The following CPNE4 variants were observed in gnomAD, a reference collection of about 807,000 sequenced individuals.
The protein encoded by CPNE4 is copine-4.
CPNE4 carries 25 observed loss-of-function variants against 67.9 expected under a neutral mutation model. That is an observed-to-expected ratio of 0.37 (90% CI 0.27 to 0.51). The LOEUF is 0.51. Among genes scored for constraint, CPNE4 ranks in the 20% least tolerant of loss-of-function variants. The pLI, the probability that CPNE4 is intolerant of heterozygous loss-of-function variation, is 0.93. For missense variants in CPNE4, 464 were observed against 690.8 expected (o/e 0.67, Z 3.68); for synonymous variants, 242 against 244.9 (o/e 0.99, Z 0.11).
chr3:131,614,701 G>A (rs1351124479), intron 7 of CPNE4, among the ~76,000 whole-genome samples: 1 of 152,180 alleles, frequency 6.6e-6, no homozygotes, highest in African/African-American at 2.4e-5. Flanking sequence ...GCCTGCTGAA[G>A]CAGAAGGGAA....
At chr3:131,702,733 T>C (rs2081332174) in intron 3 of CPNE4, among the ~76,000 whole-genome samples, 2 of 152,274 alleles carry the variant, frequency 1.3e-5, no homozygotes, top group Middle Eastern at 3.4e-3. Context: ...AGGAGACTAA[T>C]CCCAAGAGAA....
chr3:131,957,495 G>T (rs1369695155), intron 1 of CPNE4, among the ~76,000 whole-genome samples: 2 of 152,216 alleles, frequency 1.3e-5, no homozygotes, highest in Non-Finnish European at 2.9e-5. Context: ...TTGACCAGGG[G>T]AGTGTACAGA....
intron 15 of CPNE4, chr3:131,539,065 A>G (rs1354337869): frequency 1.3e-5 from 2 of 152,222 alleles, no homozygotes; most frequent in Non-Finnish European, 2.9e-5. Context: ...TTCATGAGTT[A>G]ATGGCTTACA....
At chr3:131,668,514 C>A (rs533959962) in intron 7 of CPNE4, among the ~76,000 whole-genome samples, 6 of 152,062 alleles carry the variant, frequency 3.9e-5, no homozygotes, top group Non-Finnish European at 8.8e-5. Context: ...TGATTTCAGG[C>A]AATAACAGCA....
At chr3:131,906,396 C>CT in intron 1 of CPNE4, among the ~76,000 whole-genome samples, 1 of 113,908 alleles carries the variant, frequency 8.8e-6, no homozygotes. Flanking sequence ...AATGCTATCC[C>CT]TCCCCCCCTC....
At chr3:131,927,915 A>G (rs1318377966) in intron 1 of CPNE4, among the ~76,000 whole-genome samples, 1 of 152,168 alleles carries the variant, frequency 6.6e-6, no homozygotes, top group African/African-American at 2.4e-5. Flanking sequence ...TATTTGCATT[A>G]TTGATGTCAT....
chr3:131,928,856 G>A (rs1487484787), intron 1 of CPNE4, among the ~76,000 whole-genome samples: 2 of 152,174 alleles, frequency 1.3e-5, no homozygotes, highest in Non-Finnish European at 2.9e-5. Flanking sequence ...AAAATGGAAG[G>A]GAATGAGCAG....
chr3:131,595,231 G>T (rs1938774172), intron 7 of CPNE4, among the ~76,000 whole-genome samples: 1 of 152,186 alleles, frequency 6.6e-6, no homozygotes, highest in Non-Finnish European at 1.5e-5. Context: ...TACAAAAGAA[G>T]TGAAATCAGC....
At chr3:131,676,339 G>T (rs1324356040) in intron 6 of CPNE4, among the ~76,000 whole-genome samples, 1 of 152,038 alleles carries the variant, frequency 6.6e-6, no homozygotes, top group African/African-American at 2.4e-5. Context: ...GATTACATGT[G>T]TGAGCCACTG....
At chr3:131,887,966 A>G (rs577281307) in intron 2 of CPNE4, among the ~76,000 whole-genome samples, 1 of 152,308 alleles carries the variant, frequency 6.6e-6, no homozygotes, top group South Asian at 2.1e-4. Flanking sequence ...AGGTGCTCCA[A>G]CTGGAAGTCC....
intron 2 of CPNE4, among the ~76,000 whole-genome samples, chr3:131,792,319 T>C (rs1392986201): frequency 6.6e-6 from 1 of 151,908 alleles, no homozygotes; most frequent in Non-Finnish European, 1.5e-5. Context: ...TTAATACCAG[T>C]GTAAGAGTGT....
At chr3:131,866,612 C>G (rs959752922) in intron 2 of CPNE4, among the ~76,000 whole-genome samples, 1 of 152,182 alleles carries the variant, frequency 6.6e-6, no homozygotes, top group Non-Finnish European at 1.5e-5. Context: ...ACTACTGCCT[C>G]TCTCTCATAT....
At chr3:131,776,636 G>T (rs141188438) in intron 2 of CPNE4, among the ~76,000 whole-genome samples, 12 of 152,188 alleles carry the variant, frequency 7.9e-5, no homozygotes, top group African/African-American at 2.9e-4. Context: ...ATGACAATTT[G>T]GGGAAAACAC....
intron 1 of CPNE4, among the ~76,000 whole-genome samples, chr3:131,938,309 A>G (rs530803387): frequency 6.1e-4 from 93 of 152,128 alleles, no homozygotes; most frequent in Admixed American, 3.1e-3. Flanking sequence ...GTGAACTGTG[A>G]TCGTACCACT....
chr3:131,871,975 T>C (rs2087228051), intron 2 of CPNE4, among the ~76,000 whole-genome samples: 1 of 152,160 alleles, frequency 6.6e-6, no homozygotes, highest in African/African-American at 2.4e-5. Context: ...AGATATATCC[T>C]GCCCCACATA....
At chr3:131,978,531 AATATATATAAAT>A (rs1484562695) in intron 1 of CPNE4, among the ~76,000 whole-genome samples, 2 of 67,266 alleles carry the variant, frequency 3.0e-5, no homozygotes, top group South Asian at 3.9e-4. Flanking sequence ...TATAAATATA[AATATATATAAAT>A]ATATATATAT....
chr3:131,942,026 G>A (rs2071402433), intron 1 of CPNE4, among the ~76,000 whole-genome samples: 1 of 151,732 alleles, frequency 6.6e-6, no homozygotes, highest in Admixed American at 6.6e-5. Flanking sequence ...TGTTGTTATT[G>A]CAATGAATAA....
At chr3:131,722,450 C>T (rs66624956) in intron 3 of CPNE4, among the ~76,000 whole-genome samples, 32,850 of 151,696 alleles carry the variant, frequency 0.22, 4,317 homozygotes, top group South Asian at 0.34. Context: ...CATACCCCCC[C>T]ACGTTTGTTC....
intron 5 of CPNE4, among the ~76,000 whole-genome samples, chr3:131,693,250 A>T (rs1289973615): frequency 6.6e-6 from 1 of 151,776 alleles, no homozygotes; most frequent in Non-Finnish European, 1.5e-5. Flanking sequence ...TGGTCTTAAG[A>T]CCCCTTTACA....
Sources: allele counts gnomAD v4.1 joint callset (sites outside exome capture counted in the v4.1 genomes callset), GRCh38; gene constraint gnomAD v4.1.1; transcripts MANE v1.5; gene names NCBI Gene and HGNC (gene_info 2026-07-23, HGNC 2026-07-21).